The following NME8 variants were observed in gnomAD, a reference collection of about 807,000 sequenced individuals.
NME8 encodes the protein protein NME8.
Under a neutral mutation model 82.3 loss-of-function variants are expected in NME8, and 72 were observed. The ratio of observed to expected loss-of-function variants is 0.87; its 90% confidence interval spans 0.72 to 1.06. NME8 has a LOEUF of 1.06. Among genes scored for constraint, NME8 ranks in the 50% least tolerant of loss-of-function variants. NME8 has a pLI of 0.00. For synonymous variants in NME8, 267 were observed against 228.5 expected, an observed-to-expected ratio of 1.17 and a Z score of -1.52; for missense variants, 712 against 685.4, an observed-to-expected ratio of 1.04 and a Z score of -0.43.
intron 12 of NME8, among the ~76,000 whole-genome samples, chr7:37,881,884 A>G (rs1784951924): frequency 6.6e-6 from 1 of 152,198 alleles, no homozygotes; most frequent in Non-Finnish European, 1.5e-5. Flanking sequence ...GAGTTTTGGT[A>G]TTTAATATTC....
rs770244257 is a variant in NME8 at position 37,885,159 on chromosome 7, C to A, written c.1154C>A (p.Ala385Asp). 2 of 1,610,840 alleles carry A rather than the reference C, an allele frequency of 1.2e-6. No homozygotes were observed. Among genetic ancestry groups the A allele is most frequent in the Non-Finnish European group, 1.7e-6 (2 of 1,177,208 alleles). Residue 385 changes from alanine (A) to aspartate (D), a missense_variant, in exon 14 of 18, where the codon GCC becomes GAC. Transcript: ENST00000199447. The stretch of plus-strand genomic sequence containing the variant: ...TTTTCTAATAGTGGTCCATCTCTAG[C>A]CCTTGTTTTATTGAGAGACAATGGC... The part of the protein sequence containing the change: ...IENMTSGPSL[A>D]LVLLRDNGLQ...
intron 12 of NME8, among the ~76,000 whole-genome samples, chr7:37,882,305 G>A (rs1387475876): frequency 2.0e-5 from 3 of 151,860 alleles, no homozygotes; most frequent in Non-Finnish European, 2.9e-5. Flanking sequence ...TGCACAACGT[G>A]GTGAAACCTC....
chr7:37,865,516 TA>T lies in NME8; in HGVS notation c.529-7del. The T allele has an allele frequency of 6.3e-7, 1 of 1,594,858 alleles. No homozygotes were observed. The highest frequency in any genetic ancestry group is 8.6e-7 in the Non-Finnish European group (1 of 1,162,626). On this transcript the variant is annotated splice_polypyrimidine_tract_variant and splice_region_variant and intron_variant, in intron 9 of 17. Transcript: ENST00000199447. The stretch of plus-strand genomic sequence containing the variant: ...GACACCTGGATTTGACCTTACTCTC[TA>T]ATTGAAGATTACCAAAGCTGGATTT...
At chr7:37,885,795 A>G (rs986626681) in intron 14 of NME8, among the ~76,000 whole-genome samples, 4 of 152,190 alleles carry the variant, frequency 2.6e-5, no homozygotes, top group Admixed American at 6.5e-5. Context: ...TAGGCTTAGT[A>G]TCATCTGCAG....
chr7:37,857,468 T>C, intron 6 of NME8, 123 bp downstream of exon 6: 1 of 694,170 alleles, frequency 1.4e-6, no homozygotes, highest in African/African-American at 1.8e-5. Flanking sequence ...GTTTGCCTTA[T>C]CTTTTCTTGA....
chr7:37,864,289 A>G, intron 8 of NME8, 59 bp from the exon 9 acceptor site: 1 of 1,542,000 alleles, frequency 6.5e-7, no homozygotes, highest in Non-Finnish European at 8.8e-7. Flanking sequence ...CAGATCCTTC[A>G]TTATCCAGAC....
At position 37,894,523 on chromosome 7, in the gene NME8, T is replaced by C; in HGVS notation, c.1457T>C (p.Met486Thr). 2 of 1,612,938 alleles carry C rather than the reference T, an allele frequency of 1.2e-6. No individual in the cohort carries two copies. The highest frequency in any genetic ancestry group is 1.1e-5 in the South Asian group (1 of 91,054). The change falls in exon 16 of 18, where the codon ATG becomes ACG. Residue 486 changes from methionine (M) to threonine (T), a missense_variant. Transcript: ENST00000199447. Reference sequence around the variant, plus strand: ...TTTGATCTGACACAGGTGAAGAAAATGTTCCTAACTCCTGAGCAAATAGAG... The same window carrying C: ...TTTGATCTGACACAGGTGAAGAAAACGTTCCTAACTCCTGAGCAAATAGAG... ...AGFDLTQVKK[M>T]FLTPEQIEKI...
rs116856527 is a variant in NME8, at chr7:37,868,085, T to C, written c.818+187T>C. On this transcript the variant is annotated intron_variant, in intron 11 of 17. Transcript: ENST00000199447. Reference sequence around the variant, plus strand: ...CAGGTGAAGTGTCAGATACCTGGCATTGGAAAAAGTAGTTGGCTTGTGGGT... The same window carrying C: ...CAGGTGAAGTGTCAGATACCTGGCACTGGAAAAAGTAGTTGGCTTGTGGGT... Among the ~76,000 whole-genome samples the C allele has an allele frequency of 6.0e-3, 915 of 152,274 alleles. 6 individuals are homozygous for C. Among genetic ancestry groups the C allele is most frequent in the Admixed American group, 0.011 (175 of 15,272 alleles).
chr7:37,864,454 A>G (rs1215523858), intron 9 of NME8, 33 bp downstream of exon 9: 2 of 1,489,676 alleles, frequency 1.3e-6, no homozygotes, highest in Non-Finnish European at 9.1e-7. Flanking sequence ...GATTAAATTA[A>G]TTGCAAAATA....
intron 11 of NME8, among the ~76,000 whole-genome samples, chr7:37,869,620 G>T (rs1319998297): frequency 1.3e-5 from 2 of 152,148 alleles, no homozygotes; most frequent in Non-Finnish European, 2.9e-5. Context: ...TCCAGAACAA[G>T]GGCAAGCACT....
rs1314343023 is a variant in NME8, at chr7:37,850,634, G to C, written c.97G>C (p.Asp33His). ...TAAATATCATCATCTTCTAGTGATT[G>C]ATGTTTACCAAGCCTGGTGTGGACC... The part of the protein sequence containing the change: ...MLQNKGLTVI[D>H]VYQAWCGPCR... The change falls in exon 5 of 18, where the codon GAT (aspartate) becomes CAT (histidine). Residue 33 changes from aspartate to histidine, a missense_variant. By Grantham distance (81) the Asp-to-His change is moderately conservative (BLOSUM62 -1). Coordinates refer to ENST00000199447, the MANE Select transcript of NME8 (RefSeq NM_016616.5). 5 of 1,605,306 alleles carry C rather than the reference G, an allele frequency of 3.1e-6. No homozygotes were observed. The highest frequency in any genetic ancestry group is 4.3e-6 in the Non-Finnish European group (5 of 1,172,086).
intron 14 of NME8, among the ~76,000 whole-genome samples, chr7:37,887,595 G>A (rs1785063599): frequency 6.6e-6 from 1 of 152,150 alleles, no homozygotes; most frequent in African/African-American, 2.4e-5. Flanking sequence ...CACACAGCTA[G>A]CAAGTAGTGC....
intron 17 of NME8, among the ~76,000 whole-genome samples, chr7:37,897,943 T>C (rs1309743238): frequency 6.6e-6 from 1 of 152,192 alleles, no homozygotes; most frequent in African/African-American, 2.4e-5. Context: ...CTATTGTAAA[T>C]ATTGCTGCAA....
At position 37,897,039 on chromosome 7, in the gene NME8, T is replaced by C. The variant is rs1020810328; in HGVS notation, c.1714T>C (p.Tyr572His). 6.2e-7 allele frequency: 1 copy of C among 1,613,816 alleles called. No homozygotes were observed. The highest frequency in any genetic ancestry group is 1.3e-5 in the African/African-American group (1 of 74,894). ...CATTGTCCATGGAGCATCTAACGCC[T>C]ATGAAGCAAAAGAGGTTGTTAATAG... ...KNIVHGASNA[Y>H]EAKEVVNRLF... The change falls in exon 17 of 18, where the codon TAT becomes CAT. Residue 572 changes from tyrosine to histidine, a missense_variant. Physicochemically the swap from Tyr to His is moderately conservative, Grantham distance 83. Transcript: ENST00000199447.
At chr7:37,893,734 T>C (rs2131974712) in intron 15 of NME8, among the ~76,000 whole-genome samples, 1 of 152,322 alleles carries the variant, frequency 6.6e-6, no homozygotes. Flanking sequence ...TCATGATATC[T>C]TTATAGGCCT....
At chr7:37,873,921 G>A (rs1256411543) in intron 11 of NME8, among the ~76,000 whole-genome samples, 1 of 152,182 alleles carries the variant, frequency 6.6e-6, no homozygotes, top group East Asian at 1.9e-4. Context: ...TCCACCAACT[G>A]CATACTTGGC....
At chr7:37,866,154 T>C (rs762869236) in intron 10 of NME8, among the ~76,000 whole-genome samples, 1 of 151,996 alleles carries the variant, frequency 6.6e-6, no homozygotes, top group African/African-American at 2.4e-5. Context: ...ACCTCACTTC[T>C]AGAAATGAAC....
chr7:37,869,963 G>C (rs1386607030), intron 11 of NME8, among the ~76,000 whole-genome samples: 2 of 152,122 alleles, frequency 1.3e-5, no homozygotes, highest in African/African-American at 4.8e-5. Context: ...GATCCGACAG[G>C]AACAATTATT....
At chr7:37,897,674 C>G (rs550149269) in intron 17 of NME8, among the ~76,000 whole-genome samples, 41 of 151,408 alleles carry the variant, frequency 2.7e-4, no homozygotes, top group Non-Finnish European at 4.1e-4. Context: ...TCACCCCCCA[C>G]CCCCCAACAG....
Sources: allele counts gnomAD v4.1 joint callset (sites outside exome capture counted in the v4.1 genomes callset), GRCh38; gene constraint gnomAD v4.1.1; transcripts MANE v1.5; gene names NCBI Gene and HGNC (gene_info 2026-07-23, HGNC 2026-07-21).